ARHGAP42: variants seen among roughly 807,000 people sequenced by gnomAD.
The protein encoded by ARHGAP42 is rho GTPase-activating protein 42.
Under a neutral mutation model 125.0 loss-of-function variants are expected in ARHGAP42, and 63 were observed. That is an observed-to-expected ratio of 0.50 (90% CI 0.41 to 0.62). ARHGAP42 has a LOEUF of 0.62. Ranked by LOEUF, ARHGAP42 falls within the 20% of genes least tolerant of loss-of-function variation. The probability of loss-of-function intolerance (pLI) is 0.00; values close to 1 mark genes in which losing one functional copy is unlikely to be tolerated. For synonymous variants in ARHGAP42, 339 were observed against 351.0 expected (o/e 0.97, Z 0.38); for missense variants, 766 against 1,024.2 (o/e 0.75, Z 3.44).
At chr11:100,898,934 A>G (rs1294276331) in intron 4 of ARHGAP42, among the ~76,000 whole-genome samples, 1 of 152,048 alleles carries the variant, frequency 6.6e-6, no homozygotes, top group Non-Finnish European at 1.5e-5. Context: ...TTGTGATGTT[A>G]GGGTGTCGAT....
Position 100,933,274 on chromosome 11 carries a change from T to C in ARHGAP42, c.702+14T>C. On this transcript the variant is annotated intron_variant, in intron 7 of 23. Coordinates refer to ENST00000298815, the MANE Select transcript of ARHGAP42 (RefSeq NM_152432.4). ...AACTTGCAGAATGTAAGAGTATACC[T>C]GTTCTTACTGTCTCTCAGCAAATCT... The C allele has an allele frequency of 6.7e-7, 1 of 1,497,956 alleles. No homozygotes were observed. Among genetic ancestry groups the C allele is most frequent in the Admixed American group, 2.1e-5 (1 of 46,898 alleles). The allele number at this position is 1,497,956 out of a possible 1,614,324, so 92.8% of individuals were successfully genotyped here. A position where few individuals can be genotyped will look rare whatever the true frequency, so the allele number is the denominator to read the frequency against.
In ARHGAP42 at chr11:100,799,858, A is replaced by T. The variant is rs187262990; in HGVS notation, c.312+4692A>T. Among the ~76,000 whole-genome samples, 19 of 152,314 alleles carry T rather than the reference A, an allele frequency of 1.2e-4. No individual in the cohort carries two copies. In the East Asian group the frequency reaches 3.7e-3, roughly 29 times the overall value. On this transcript the variant is annotated intron_variant, in intron 3 of 23. Coordinates refer to ENST00000298815, the MANE Select transcript of ARHGAP42 (RefSeq NM_152432.4). ...TCTTCCTTTAAGGTGGAAGAAAAGA[A>T]AGAGGGTTGATAAAAACGTAGTAGA...
At chr11:100,864,085 G>T (rs1043348826) in intron 4 of ARHGAP42, among the ~76,000 whole-genome samples, 1 of 151,880 alleles carries the variant, frequency 6.6e-6, no homozygotes, top group African/African-American at 2.4e-5. Context: ...AAACCTCCTT[G>T]TTCTCAGAGA....
At chr11:100,731,066 T>C (rs1861949166) in intron 1 of ARHGAP42, among the ~76,000 whole-genome samples, 1 of 152,238 alleles carries the variant, frequency 6.6e-6, no homozygotes. Flanking sequence ...TGTTTTGTTT[T>C]TACCTTTCAA....
chr11:100,722,550 C>T lies in ARHGAP42; in HGVS notation c.154+34718C>T, dbSNP rs370878336. Among the ~76,000 whole-genome samples, 38 of 152,002 alleles carry T rather than the reference C, an allele frequency of 2.5e-4. No homozygotes were observed. The East Asian group carries it at 7.0e-3, about 28-fold the overall frequency. ...GGATTACAGGCATGCACCACCATGC[C>T]TGGGTAATTTTGTATTTTTAGTAGA... is the stretch of plus-strand genomic sequence containing the variant. On this transcript the variant is annotated intron_variant, in intron 1 of 23. Coordinates refer to ENST00000298815, the MANE Select transcript of ARHGAP42 (RefSeq NM_152432.4).
chr11:100,786,866 A>G (rs1263351999), intron 2 of ARHGAP42, among the ~76,000 whole-genome samples: 2 of 152,030 alleles, frequency 1.3e-5, no homozygotes, highest in Non-Finnish European at 2.9e-5. Flanking sequence ...TCCTCACCCA[A>G]ATCTCATCTG....
chr11:100,689,519 A>G (rs1289824889), intron 1 of ARHGAP42, among the ~76,000 whole-genome samples: 1 of 152,244 alleles, frequency 6.6e-6, no homozygotes, highest in East Asian at 1.9e-4. Flanking sequence ...ACATTATATT[A>G]CGAGTGACAT....
At chr11:100,780,970 GGCACAGCTT>G (rs1483477676) in intron 2 of ARHGAP42, among the ~76,000 whole-genome samples, 1 of 152,170 alleles carries the variant, frequency 6.6e-6, no homozygotes, top group African/African-American at 2.4e-5. Flanking sequence ...GGGTGTTATG[GGCACAGCTT>G]GCACTTTTGT....
intron 3 of ARHGAP42, among the ~76,000 whole-genome samples, chr11:100,853,149 A>T (rs999035502): frequency 6.6e-6 from 1 of 152,324 alleles, no homozygotes; most frequent in South Asian, 2.1e-4. Flanking sequence ...GTATTTTTTT[A>T]AAAGTGAATG....
At chr11:100,709,149 C>T (rs896261005) in intron 1 of ARHGAP42, among the ~76,000 whole-genome samples, 1 of 152,162 alleles carries the variant, frequency 6.6e-6, no homozygotes. Flanking sequence ...AAGCGATTCT[C>T]CTGCCTCAGC....
intron 5 of ARHGAP42, among the ~76,000 whole-genome samples, chr11:100,918,682 G>A (rs1867148026): frequency 6.6e-6 from 1 of 152,116 alleles, no homozygotes; most frequent in African/African-American, 2.4e-5. Context: ...TCTATATCTT[G>A]TACTGTAAAG....
chr11:100,805,532 G>A (rs143841810), intron 3 of ARHGAP42, among the ~76,000 whole-genome samples: 199 of 152,288 alleles, frequency 1.3e-3, no homozygotes, highest in Non-Finnish European at 1.4e-3. Flanking sequence ...AATTTGGGGC[G>A]AGTCTGTAAA....
chr11:100,716,791 C>G (rs908838312), intron 1 of ARHGAP42, among the ~76,000 whole-genome samples: 1 of 152,054 alleles, frequency 6.6e-6, no homozygotes, highest in East Asian at 1.9e-4. Flanking sequence ...AGGATAGGAA[C>G]CTCTGACCCC....
intron 3 of ARHGAP42, among the ~76,000 whole-genome samples, chr11:100,804,748 G>A (rs1863950856): frequency 1.3e-5 from 2 of 151,818 alleles, no homozygotes; most frequent in African/African-American, 4.8e-5. Flanking sequence ...TCCTGACCTC[G>A]TGATCCACCC....
rs1406644429 is a variant in ARHGAP42 at position 100,974,531 on chromosome 11, C to T, written c.1783C>T (p.Arg595Ter). The T allele has an allele frequency of 3.9e-6, 6 of 1,551,090 alleles. No individual in the cohort carries two copies. Among genetic ancestry groups the T allele is most frequent in the African/African-American group, 2.7e-5 (2 of 73,120 alleles). ...GTCTCGATCTGGATCCCGAAGGACA[C>T]GAGCAATCTGCCTCTCTACAGGGTC... ...PQSRSGSRRT[R>*]AICLSTGSRK... The change falls in exon 19 of 24, where the codon CGA becomes TGA. Residue 595 changes from arginine to a stop codon, truncating the protein, a stop_gained. Coordinates refer to ENST00000298815, the MANE Select transcript of ARHGAP42 (RefSeq NM_152432.4). LOFTEE classifies it high-confidence loss of function.
At chr11:100,828,892 A>G (rs535260473) in intron 3 of ARHGAP42, among the ~76,000 whole-genome samples, 1 of 152,244 alleles carries the variant, frequency 6.6e-6, no homozygotes, top group South Asian at 2.1e-4. Context: ...GAGGCCCAAC[A>G]GTTGCCACAT....
chr11:100,988,410 A>G (rs1354066614), intron 23 of ARHGAP42, among the ~76,000 whole-genome samples: 1 of 152,210 alleles, frequency 6.6e-6, no homozygotes, highest in Non-Finnish European at 1.5e-5. Flanking sequence ...TAATAATACA[A>G]ATTTTAAAAA....
At chr11:100,938,478 T>C (rs1867794626) in intron 8 of ARHGAP42, among the ~76,000 whole-genome samples, 1 of 152,164 alleles carries the variant, frequency 6.6e-6, no homozygotes, top group Non-Finnish European at 1.5e-5. Flanking sequence ...TTGATCTGCA[T>C]CTGCTGCATT....
intron 1 of ARHGAP42, among the ~76,000 whole-genome samples, chr11:100,693,921 G>C (rs1861234294): frequency 6.6e-6 from 1 of 151,796 alleles, no homozygotes; most frequent in South Asian, 2.1e-4. Flanking sequence ...GCTTACATTA[G>C]GATTGCTTTC....
Sources: gnomAD v4.1 joint callset for allele counts (sites outside exome capture counted in the v4.1 genomes callset) on GRCh38, gnomAD v4.1.1 for gene constraint, MANE v1.5 for transcripts, NCBI Gene and HGNC (gene_info 2026-07-23, HGNC 2026-07-21) for gene names.